Variants in ARHGAP29 observed in about 807,000 individuals in gnomAD.
The protein encoded by ARHGAP29 is Rho GTPase activating protein 29.
In ARHGAP29, 43 loss-of-function variants were observed where a neutral mutation model predicts 122.6. The observed-to-expected ratio is 0.35, with a 90% CI of 0.27 to 0.45. The LOEUF (loss-of-function observed/expected upper bound fraction) is 0.45. Ranked by LOEUF, ARHGAP29 falls within the 20% of genes least tolerant of loss-of-function variation. The pLI is 1.00. For missense variants in ARHGAP29, 1,303 were observed against 1,477.2 expected, an observed-to-expected ratio of 0.88 and a Z score of 1.93; for synonymous variants, 506 against 497.1, an observed-to-expected ratio of 1.02 and a Z score of -0.24.
At chr1:94,312,434 C>A in the ARHGAP29 span, among the ~76,000 whole-genome samples, 1 of 119,614 alleles carries the variant, frequency 8.4e-6, no homozygotes, top group African/African-American at 3.0e-5. Flanking sequence ...CCCCCTCCTT[C>A]TTTTTTTTTT....
the ARHGAP29 span, among the ~76,000 whole-genome samples, chr1:94,306,369 A>T: frequency 6.6e-6 from 1 of 152,238 alleles, no homozygotes; most frequent in East Asian, 1.9e-4. Context: ...ATATCCATGG[A>T]TGTGCCCTCA....
chr1:94,281,141 G>A, the ARHGAP29 span, among the ~76,000 whole-genome samples: 1 of 152,102 alleles, frequency 6.6e-6, no homozygotes, highest in Non-Finnish European at 1.5e-5. Flanking sequence ...AAAAACAGTG[G>A]AATATTTGCA....
intron 2 of ARHGAP29, among the ~76,000 whole-genome samples, chr1:94,226,106 A>C (rs1929131): frequency 0.88 from 133,582 of 151,272 alleles, 59,188 homozygotes; most frequent in Non-Finnish European, 0.92. Context: ...TAAAAAAAAA[A>C]CTGACAATAA....
intron 5 of ARHGAP29, among the ~76,000 whole-genome samples, chr1:94,207,808 C>T (rs1009124283): frequency 6.6e-6 from 1 of 151,552 alleles, no homozygotes; most frequent in Non-Finnish European, 1.5e-5. Context: ...TAATATAAGT[C>T]CCTGGCACGT....
At chr1:94,176,905 C>G (rs1649128979) in intron 22 of ARHGAP29, 1 of 152,324 alleles carries the variant, frequency 6.6e-6, no homozygotes, top group South Asian at 2.1e-4. Context: ...CCATGCCCGG[C>G]CCTCCTTTCC....
Position 94,174,424 on chromosome 1 carries a change from T to G in ARHGAP29, c.3231A>C (p.Leu1077=), listed in dbSNP as rs1413792612. ...SKFNGFDQQT[L]QKIQDKQYEQ... ...CATACTGTTTGTCCTGAATTTTCTG[T>G]AGAGTTTGCTGGTCAAAGCCATTAA... Residue 1077 remains leucine (L), a synonymous_variant, in exon 23 of 23, where the codon CTA becomes CTC. Coordinates refer to ENST00000260526, the MANE Select transcript of ARHGAP29 (RefSeq NM_004815.4). 6.2e-7 allele frequency: 1 copy of G among 1,614,100 alleles called. No homozygotes were observed. The highest frequency in any genetic ancestry group is 8.5e-7 in the Non-Finnish European group (1 of 1,180,048).
chr1:94,200,965 T>C (rs1285609294), intron 12 of ARHGAP29, among the ~76,000 whole-genome samples: 1 of 152,176 alleles, frequency 6.6e-6, no homozygotes, highest in African/African-American at 2.4e-5. Context: ...GTGGCAGTAC[T>C]TACACAAATT....
At chr1:94,184,066 G>C (rs536657618) in intron 19 of ARHGAP29, 85 bp downstream of exon 19, 2 of 1,433,526 alleles carry the variant, frequency 1.4e-6, no homozygotes, top group South Asian at 2.5e-5. Flanking sequence ...GAAAAAACAT[G>C]TGTAGCAAAT....
intron 10 of ARHGAP29, 48 bp downstream of exon 10, chr1:94,202,870 T>C (rs1370555844): frequency 4.5e-6 from 7 of 1,562,766 alleles, no homozygotes; most frequent in Non-Finnish European, 6.1e-6. Context: ...CTGCAGATTA[T>C]TTTAAATGTT....
At chr1:94,217,616 T>C (rs748973663) in intron 3 of ARHGAP29, among the ~76,000 whole-genome samples, 7 of 151,760 alleles carry the variant, frequency 4.6e-5, no homozygotes, top group African/African-American at 1.2e-4. Flanking sequence ...GGTGGGAGGA[T>C]TGCTTGAGGC....
intron 1 of ARHGAP29, among the ~76,000 whole-genome samples, chr1:94,232,466 C>G (rs1418414604): frequency 6.6e-6 from 1 of 152,144 alleles, no homozygotes; most frequent in Non-Finnish European, 1.5e-5. Flanking sequence ...CATACTCTGA[C>G]TGGTTAAATA....
chr1:94,306,263 A>G, the ARHGAP29 span, among the ~76,000 whole-genome samples: 1 of 152,244 alleles, frequency 6.6e-6, no homozygotes, highest in Admixed American at 6.5e-5. Context: ...GAAGCCCCAG[A>G]GGAAAGACTG....
At chr1:94,282,352 T>G in the ARHGAP29 span, among the ~76,000 whole-genome samples, 1 of 151,936 alleles carries the variant, frequency 6.6e-6, no homozygotes, top group Non-Finnish European at 1.5e-5. Flanking sequence ...AGTGGTGCAA[T>G]CTGGCTTACT....
intron 19 of ARHGAP29, among the ~76,000 whole-genome samples, chr1:94,182,390 G>A (rs1315518849): frequency 6.6e-6 from 1 of 152,002 alleles, no homozygotes; most frequent in African/African-American, 2.4e-5. Flanking sequence ...ATAAAGGGGA[G>A]GAAATGAGCA....
chr1:94,179,847 G>A lies in ARHGAP29; in HGVS notation c.2358C>T (p.Asp786=), dbSNP rs753429059. The change falls in exon 20 of 23, where the codon GAC becomes GAT. Residue 786 remains aspartate (D), a synonymous_variant. Transcript: ENST00000260526. ...CTATACACATATTTGGCCATTTTTT[G>A]TCTTCAAGACTATTCTTTTTTGTCT... is the stretch of plus-strand genomic sequence containing the variant. ...EQETKKNSLE[D]KKWPNMCIEI... is the part of the protein sequence containing the mutation. 8 of 1,613,148 alleles carry A rather than the reference G, an allele frequency of 5.0e-6. No homozygotes were observed. Among genetic ancestry groups the A allele is most frequent in the Non-Finnish European group, 5.9e-6 (7 of 1,179,602 alleles).
At chr1:94,314,429 G>C in the ARHGAP29 span, among the ~76,000 whole-genome samples, 2 of 152,170 alleles carry the variant, frequency 1.3e-5, no homozygotes, top group Non-Finnish European at 2.9e-5. Flanking sequence ...TGTGCTCCCT[G>C]AAGTCATCAG....
At chr1:94,225,356 C>T (rs1486359334) in intron 2 of ARHGAP29, among the ~76,000 whole-genome samples, 1 of 152,052 alleles carries the variant, frequency 6.6e-6, no homozygotes, top group Non-Finnish European at 1.5e-5. Context: ...TTGATAATAC[C>T]TGTTTTACCT....
At chr1:94,271,834 A>C (rs1297007793) in intron 1 of ARHGAP29, among the ~76,000 whole-genome samples, 1 of 152,204 alleles carries the variant, frequency 6.6e-6, no homozygotes. Flanking sequence ...CTTCCTTTGA[A>C]GTAAGGGGAC....
At chr1:94,241,222 C>A (rs1653559058), upstream of ARHGAP29, among the ~76,000 whole-genome samples, 1 of 152,178 alleles carries the variant, frequency 6.6e-6, no homozygotes, top group Non-Finnish European at 1.5e-5. Context: ...CCAGAAAAAT[C>A]TGGACTGTGG....
Sources: allele counts gnomAD v4.1 joint callset (sites outside exome capture counted in the v4.1 genomes callset), GRCh38; gene constraint gnomAD v4.1.1; transcripts MANE v1.5; gene names NCBI Gene and HGNC (gene_info 2026-07-23, HGNC 2026-07-21).